The following MTMR7 variants were observed in gnomAD, a reference collection of about 807,000 sequenced individuals.
The protein encoded by MTMR7 is myotubularin related protein 7, also known as phosphatidylinositol-3-phosphate phosphatase MTMR7.
MTMR7 carries 76 observed loss-of-function variants against 81.2 expected under a neutral mutation model. The observed-to-expected ratio is 0.94, with a 90% CI of 0.78 to 1.13. MTMR7 has a LOEUF of 1.13. MTMR7 is among the 50% of genes most tolerant of loss of function. The pLI is 0.00. For missense variants in MTMR7, 1,044 were observed against 820.0 expected (o/e 1.27, Z -3.34); for synonymous variants, 372 against 289.8 (o/e 1.28, Z -2.88).
intron 12 of MTMR7, among the ~76,000 whole-genome samples, chr8:17,304,055 T>C (rs750338770): frequency 6.6e-6 from 1 of 152,228 alleles, no homozygotes; most frequent in African/African-American, 2.4e-5. Context: ...CTGTTGAAAC[T>C]TGTGATTCCA....
intron 4 of MTMR7, among the ~76,000 whole-genome samples, chr8:17,359,341 T>A (rs780617718): frequency 6.6e-6 from 1 of 152,122 alleles, no homozygotes; most frequent in Non-Finnish European, 1.5e-5. Flanking sequence ...GACTCACACA[T>A]AATTATAGCA....
At chr8:17,330,088 CTG>C (rs1563337898) in intron 7 of MTMR7, among the ~76,000 whole-genome samples, 1 of 152,202 alleles carries the variant, frequency 6.6e-6, no homozygotes, top group Non-Finnish European at 1.5e-5. Flanking sequence ...TTCATAATGA[CTG>C]AGATGAACCA....
At chr8:17,314,068 C>G (rs1346286717) in intron 7 of MTMR7, among the ~76,000 whole-genome samples, 1 of 152,152 alleles carries the variant, frequency 6.6e-6, no homozygotes, top group Non-Finnish European at 1.5e-5. Context: ...ACAACTAAGG[C>G]AGGTGTATAA....
At chr8:17,398,816 G>T (rs1429262869) in intron 1 of MTMR7, among the ~76,000 whole-genome samples, 1 of 136,666 alleles carries the variant, frequency 7.3e-6, no homozygotes, top group African/African-American at 2.6e-5. Flanking sequence ...AAGTTAAAAA[G>T]AAGGGGATAT....
chr8:17,386,608 G>A (rs1820950963), intron 1 of MTMR7, among the ~76,000 whole-genome samples: 1 of 151,588 alleles, frequency 6.6e-6, no homozygotes, highest in South Asian at 2.1e-4. Context: ...ACTCTTGGCT[G>A]GGCCCTCATT....
intron 4 of MTMR7, 33 bp from the exon 5 acceptor site, chr8:17,349,114 C>G: frequency 6.2e-7 from 1 of 1,606,636 alleles, no homozygotes; most frequent in Non-Finnish European, 8.5e-7. Context: ...GATTTTTAGG[C>G]CATCTAGTAA....
chr8:17,307,373 AAGTC>A (rs1270327704), intron 10 of MTMR7, among the ~76,000 whole-genome samples: 2 of 152,206 alleles, frequency 1.3e-5, no homozygotes, highest in Admixed American at 6.5e-5. Flanking sequence ...GATCATTAAA[AAGTC>A]AGGAAACAAC....
intron 1 of MTMR7, among the ~76,000 whole-genome samples, chr8:17,386,893 G>C (rs1488664074): frequency 6.6e-6 from 1 of 152,188 alleles, no homozygotes; most frequent in Non-Finnish European, 1.5e-5. Flanking sequence ...GAGCCTGGGA[G>C]AGTGGATGAT....
intron 3 of MTMR7, among the ~76,000 whole-genome samples, chr8:17,362,035 T>G (rs1307074249): frequency 6.6e-6 from 1 of 152,188 alleles, no homozygotes; most frequent in Non-Finnish European, 1.5e-5. Context: ...ATCTAGGATT[T>G]GATTTTCTTG....
chr8:17,305,975 A>C lies in MTMR7; in HGVS notation c.1152-18T>G. ...TGCCATATCTATAAAACAAAGCATT[A>C]GAGACTTTTTAAGGCAGATTTATTT... On this transcript the variant is annotated intron_variant, in intron 10 of 13. Transcript: ENST00000180173. The C allele has an allele frequency of 6.3e-7, 1 of 1,585,336 alleles. No homozygotes were observed. Among genetic ancestry groups the C allele is most frequent in the Non-Finnish European group, 8.6e-7 (1 of 1,161,558 alleles).
chr8:17,412,809 T>C (rs1821772102), intron 1 of MTMR7, among the ~76,000 whole-genome samples: 1 of 152,206 alleles, frequency 6.6e-6, no homozygotes, highest in South Asian at 2.1e-4. Flanking sequence ...CGGGTGGGCC[T>C]GACACCCTAG....
intron 10 of MTMR7, among the ~76,000 whole-genome samples, chr8:17,306,782 G>C (rs1317106112): frequency 6.6e-6 from 1 of 152,182 alleles, no homozygotes; most frequent in Non-Finnish European, 1.5e-5. Flanking sequence ...CTTCTCAGAT[G>C]TTACAGTTTC....
chr8:17,373,331 C>G, intron 1 of MTMR7, 91 bp from the exon 2 acceptor site: 9 of 1,414,162 alleles, frequency 6.4e-6, no homozygotes, highest in Non-Finnish European at 8.5e-6. Flanking sequence ...ACACTTACTC[C>G]AAAATACAAT....
At chr8:17,310,491 G>C (rs569400290) in intron 9 of MTMR7, among the ~76,000 whole-genome samples, 1 of 152,166 alleles carries the variant, frequency 6.6e-6, no homozygotes, top group African/African-American at 2.4e-5. Flanking sequence ...TGATGGAAAC[G>C]CATGTGTGCA....
intron 1 of MTMR7, among the ~76,000 whole-genome samples, chr8:17,394,022 G>A (rs578088688): frequency 4.6e-5 from 7 of 152,098 alleles, no homozygotes; most frequent in Non-Finnish European, 8.8e-5. Flanking sequence ...CACCCATTAG[G>A]ATAGCTATAA....
intron 1 of MTMR7, among the ~76,000 whole-genome samples, chr8:17,409,642 T>C (rs1289341389): frequency 6.6e-6 from 1 of 152,110 alleles, no homozygotes; most frequent in Non-Finnish European, 1.5e-5. Flanking sequence ...CAGGGGAGCT[T>C]GACATTAAAT....
At chr8:17,369,385 T>G (rs899533485) in intron 3 of MTMR7, among the ~76,000 whole-genome samples, 15 of 152,310 alleles carry the variant, frequency 9.8e-5, no homozygotes, top group Admixed American at 2.0e-4. Context: ...CATTTCCATT[T>G]AGTAACTTTA....
intron 4 of MTMR7, among the ~76,000 whole-genome samples, chr8:17,356,118 T>C (rs1323215618): frequency 6.6e-6 from 1 of 152,216 alleles, no homozygotes; most frequent in Non-Finnish European, 1.5e-5. Context: ...AAACGTGTTA[T>C]TATTCTCCCT....
chr8:17,349,809 G>C (rs913766858), intron 4 of MTMR7, among the ~76,000 whole-genome samples: 2 of 152,192 alleles, frequency 1.3e-5, no homozygotes, highest in African/African-American at 4.8e-5. Context: ...GACTACCACA[G>C]TGGAAGGGTG....
Sources: allele counts gnomAD v4.1 joint callset (sites outside exome capture counted in the v4.1 genomes callset), GRCh38; gene constraint gnomAD v4.1.1; transcripts MANE v1.5; gene names NCBI Gene and HGNC (gene_info 2026-07-23, HGNC 2026-07-21).